Variants in RNF212B observed in about 807,000 individuals in gnomAD.
RNF212B encodes the protein ring finger protein 212B.
A neutral mutation model predicts 55.5 loss-of-function variants in RNF212B; 52 were observed. The ratio of observed to expected loss-of-function variants is 0.94; its 90% CI spans 0.75 to 1.18. RNF212B has a LOEUF of 1.18. RNF212B is among the 50% of genes most tolerant of loss of function. The pLI, the probability that RNF212B is intolerant of heterozygous loss-of-function variation, is 0.00. For synonymous variants in RNF212B, 99 were observed against 121.4 expected (o/e 0.82, Z 1.21); for missense variants, 289 against 350.4 (o/e 0.82, Z 1.40).
At chr14:23,262,866 G>A (rs748458735) in intron 8 of RNF212B, 62 bp from the exon 9 acceptor site, 213 of 1,506,996 alleles carry the variant, frequency 1.4e-4, no homozygotes, top group Non-Finnish European at 1.8e-4. Context: ...CAACAAATTG[G>A]CCAGGCAAGG....
chr14:23,260,835 C>A, intron 7 of RNF212B, 148 bp downstream of exon 7: 1 of 727,810 alleles, frequency 1.4e-6, no homozygotes, highest in Non-Finnish European at 2.3e-6. Flanking sequence ...CTGAAAGTGC[C>A]GAAGTAAAAT....
Position 23,262,983 on chromosome 14 carries a change from A to G in RNF212B, c.524+13A>G. On this transcript the variant is annotated intron_variant, in intron 9 of 14. Transcript: ENST00000430154. The stretch of plus-strand genomic sequence containing the variant: ...GTCAAGTGGTCAGGTAAACCTACAC[A>G]GCAACATTAAAACTGTTGGCAAAAG... 6.5e-7 allele frequency: 1 copy of G among 1,549,532 alleles called. No homozygotes were observed. Among genetic ancestry groups the G allele is most frequent in the Non-Finnish European group, 8.7e-7 (1 of 1,146,012 alleles).
intron 7 of RNF212B, chr14:23,261,203 T>C (rs1594945043): frequency 3.2e-6 from 1 of 313,624 alleles, no homozygotes; most frequent in Non-Finnish European, 6.3e-6. Context: ...ACTTGTGGAA[T>C]GCTGAGAAAG....
intron 4 of RNF212B, among the ~76,000 whole-genome samples, chr14:23,250,482 CA>C (rs34825470): frequency 0.011 from 1,237 of 116,610 alleles, 16 homozygotes; most frequent in African/African-American, 0.031. Flanking sequence ...GACTCTGTCT[CA>C]AAAAAAAAAA....
In RNF212B at chr14:23,268,967, A is replaced by G. The variant is rs1299146395; in HGVS notation, c.674+4A>G. ...CAACTCATAGCCTATCTTATAGGTC[A>G]GTAACACTATGCTTCCTTTTTCTTG... On this transcript the variant is annotated splice_donor_region_variant and intron_variant, in intron 12 of 14. Transcript: ENST00000430154. 3 of 1,549,128 alleles carry G rather than the reference A, an allele frequency of 1.9e-6. No individual in the cohort carries two copies. The highest frequency in any genetic ancestry group is 1.2e-5 in the South Asian group (1 of 83,990).
chr14:23,240,619 T>C (rs1883499111), intron 2 of RNF212B, among the ~76,000 whole-genome samples, 174 bp downstream of exon 2: 1 of 152,354 alleles, frequency 6.6e-6, no homozygotes, highest in South Asian at 2.1e-4. Context: ...TAATAAAGAA[T>C]GGTCCTAAAT....
intron 1 of RNF212B, among the ~76,000 whole-genome samples, chr14:23,189,888 C>G (rs1877954207): frequency 6.6e-6 from 1 of 152,176 alleles, no homozygotes; most frequent in Admixed American, 6.5e-5. Flanking sequence ...GCTCCCATCT[C>G]TACTTCCTCA....
intron 2 of RNF212B, among the ~76,000 whole-genome samples, chr14:23,218,456 G>A (rs1397040662): frequency 1.3e-5 from 2 of 151,412 alleles, no homozygotes; most frequent in Non-Finnish European, 2.9e-5. Context: ...AATTGATCAA[G>A]CAGAAGAAAG....
intron 2 of RNF212B, among the ~76,000 whole-genome samples, chr14:23,204,544 T>C (rs1030400062): frequency 1.3e-4 from 20 of 152,168 alleles, no homozygotes; most frequent in Admixed American, 6.5e-5. Context: ...AAGTATTTGG[T>C]TTATTTCTGG....
chr14:23,239,899 G>A (rs1253931525), intron 1 of RNF212B, among the ~76,000 whole-genome samples: 4 of 151,912 alleles, frequency 2.6e-5, no homozygotes, highest in East Asian at 1.9e-4. Context: ...GATTACAGGC[G>A]TGAGCCACTG....
chr14:23,195,905 A>G (rs1264653394), intron 2 of RNF212B, among the ~76,000 whole-genome samples: 1 of 152,224 alleles, frequency 6.6e-6, no homozygotes, highest in Non-Finnish European at 1.5e-5. Context: ...AAGGACACAC[A>G]CAATGGCAGA....
At position 23,217,991 on chromosome 14, in the gene RNF212B, G is replaced by T. The variant is rs184371101; in HGVS notation, c.-1-22354G>T. On this transcript the variant is annotated intron_variant, in intron 2 of 15. Transcript: ENST00000399910. ...GGAACTCAAAAAAATTCAAGATAAT[G>T]CAGAGAGGAAATTCAGAATTCTATT... 1.8e-3 allele frequency among the ~76,000 whole-genome samples: 278 copies of T among 152,174 alleles called. 1 individual carries two copies. The highest frequency in any genetic ancestry group is 6.2e-3 in the African/African-American group (259 of 41,530).
At position 23,237,988 on chromosome 14, in the gene RNF212B, C is replaced by T. The variant is rs1488042148; in HGVS notation, c.-69C>T. ...CTGTTTACTTTCCCGCCATGTCCAG[C>T]TCTTCGTGAGGAGAACTGGATGATT... On this transcript the variant is annotated 5_prime_UTR_variant, in exon 1 of 15. Transcript: ENST00000430154. Among the ~76,000 whole-genome samples, 1 of 152,212 alleles carries T rather than the reference C, an allele frequency of 6.6e-6. No homozygotes were observed. The highest frequency in any genetic ancestry group is 1.5e-5 in the Non-Finnish European group (1 of 68,036).
chr14:23,236,545 A>G (rs1252985559), upstream of RNF212B, among the ~76,000 whole-genome samples: 3 of 152,116 alleles, frequency 2.0e-5, no homozygotes, highest in Admixed American at 6.5e-5. Context: ...ACAAAAAGCA[A>G]AAAAACCCCA....
intron 2 of RNF212B, among the ~76,000 whole-genome samples, chr14:23,209,104 G>C (rs748785974): frequency 3.2e-4 from 48 of 152,166 alleles, no homozygotes; most frequent in Non-Finnish European, 6.8e-4. Context: ...GCTAAACAAG[G>C]GGTGGATTAT....
intron 2 of RNF212B, among the ~76,000 whole-genome samples, chr14:23,215,360 G>A (rs1880964861): frequency 6.6e-6 from 1 of 152,056 alleles, no homozygotes; most frequent in Non-Finnish European, 1.5e-5. Flanking sequence ...GACTAATACA[G>A]TTTCCTATGG....
chr14:23,241,255 A>G (rs1363508557), intron 2 of RNF212B, among the ~76,000 whole-genome samples: 1 of 152,182 alleles, frequency 6.6e-6, no homozygotes, highest in East Asian at 1.9e-4. Flanking sequence ...TCACAAAACC[A>G]TAGTGCAGGG....
chr14:23,244,749 A>G (rs987706418), intron 4 of RNF212B, among the ~76,000 whole-genome samples: 3 of 152,218 alleles, frequency 2.0e-5, no homozygotes, highest in Admixed American at 2.0e-4. Context: ...GGCCCTGCAA[A>G]CAATAGGTTT....
intron 11 of RNF212B, among the ~76,000 whole-genome samples, chr14:23,268,060 C>A (rs577588629): frequency 4.6e-5 from 7 of 152,302 alleles, no homozygotes; most frequent in Non-Finnish European, 1.0e-4. Flanking sequence ...CCTTAGGCAG[C>A]CAAACAAGTG....
Sources: gnomAD v4.1 joint callset for allele counts (sites outside exome capture counted in the v4.1 genomes callset) on GRCh38, gnomAD v4.1.1 for gene constraint, MANE v1.5 for transcripts, NCBI Gene and HGNC (gene_info 2026-07-23, HGNC 2026-07-21) for gene names.